GLRA3: variants seen among roughly 807,000 people sequenced by gnomAD.
GLRA3 encodes glycine receptor subunit alpha-3.
A neutral mutation model predicts 60.4 loss-of-function variants in GLRA3; 44 were observed. The ratio of observed to expected loss-of-function variants is 0.73; its 90% CI spans 0.57 to 0.94. The LOEUF is 0.94. GLRA3 is among the 40% of genes least tolerant of loss of function. The probability of loss-of-function intolerance (pLI) is 0.00; values close to 1 mark genes in which losing one functional copy is unlikely to be tolerated. For missense variants in GLRA3, 508 were observed against 564.6 expected (o/e 0.90, Z 1.02); for synonymous variants, 223 against 192.9 (o/e 1.16, Z -1.29).
At chr4:174,734,340 A>G (rs1326615113) in intron 3 of GLRA3, among the ~76,000 whole-genome samples, 2 of 152,164 alleles carry the variant, frequency 1.3e-5, no homozygotes, top group Admixed American at 1.3e-4. Context: ...TTCTAACATC[A>G]TCTCTGTAAT....
chr4:174,693,112 G>C (rs1027350941), intron 5 of GLRA3, among the ~76,000 whole-genome samples: 22 of 152,072 alleles, frequency 1.4e-4, no homozygotes, highest in Admixed American at 1.4e-3. Flanking sequence ...TGGGTTGTCT[G>C]TTTACACTGT....
At chr4:174,760,472 T>C (rs1014834086) in intron 3 of GLRA3, among the ~76,000 whole-genome samples, 23 of 152,178 alleles carry the variant, frequency 1.5e-4, no homozygotes, top group African/African-American at 5.5e-4. Context: ...CCTAGGAATA[T>C]ACCCTGTAGA....
At chr4:174,711,949 A>G (rs1735734497) in intron 5 of GLRA3, among the ~76,000 whole-genome samples, 1 of 152,090 alleles carries the variant, frequency 6.6e-6, no homozygotes, top group Non-Finnish European at 1.5e-5. Context: ...GTTAACATCT[A>G]GTTTGAGAAT....
chr4:174,767,708 T>C (rs1397847087), intron 2 of GLRA3, among the ~76,000 whole-genome samples: 2 of 152,106 alleles, frequency 1.3e-5, no homozygotes, highest in African/African-American at 4.8e-5. Flanking sequence ...GGGACATGTC[T>C]TCAGTGCTCA....
At chr4:174,743,906 C>T (rs1021042108) in intron 3 of GLRA3, among the ~76,000 whole-genome samples, 1 of 151,576 alleles carries the variant, frequency 6.6e-6, no homozygotes, top group African/African-American at 2.4e-5. Flanking sequence ...GAACAGGACC[C>T]CCTCTCTTGA....
intron 9 of GLRA3, 129 bp from the exon 10 acceptor site, chr4:174,644,193 A>G (rs1416280488): frequency 4.7e-6 from 3 of 635,494 alleles, no homozygotes; most frequent in East Asian, 2.6e-5. Flanking sequence ...TAACCGAAGC[A>G]TATAAAGATG....
rs974630685 is a variant in GLRA3 at position 174,641,012 on chromosome 4, TGGTTGGGAAAGAAAGAAAA to T, written c.*2755_*2773del. On this transcript the variant is annotated 3_prime_UTR_variant, in exon 10 of 10. Transcript: ENST00000274093. ...CATTATGGTTTAAGTTCAATTCTAA[TGGTTGGGAAAGAAAGAAAA>T]GGTTGGGCACATATATGCTAATGTA... 1 of 152,040 alleles carries T rather than the reference TGGTTGGGAAAGAAAGAAAA, an allele frequency of 6.6e-6. No homozygotes were observed. Among genetic ancestry groups the T allele is most frequent in the African/African-American group, 2.4e-5 (1 of 41,416 alleles). The allele number at this position is 152,040 out of a possible 1,614,324, so 9.4% of individuals were successfully genotyped here. A position where few individuals can be genotyped will look rare whatever the true frequency, so the allele number is the denominator to read the frequency against.
chr4:174,805,299 C>T (rs1249870366), intron 1 of GLRA3, among the ~76,000 whole-genome samples: 2 of 152,046 alleles, frequency 1.3e-5, no homozygotes, highest in Admixed American at 1.3e-4. Context: ...TTCAATTTCC[C>T]TCCTCTTGAA....
chr4:174,807,688 C>T (rs1740104722), intron 1 of GLRA3, among the ~76,000 whole-genome samples: 1 of 151,964 alleles, frequency 6.6e-6, no homozygotes, highest in South Asian at 2.1e-4. Flanking sequence ...AACAGTGAGA[C>T]CACTTTTAAA....
At chr4:174,736,968 G>T (rs1307052756) in intron 3 of GLRA3, among the ~76,000 whole-genome samples, 1 of 152,114 alleles carries the variant, frequency 6.6e-6, no homozygotes, top group African/African-American at 2.4e-5. Context: ...TGTATATAAA[G>T]TTTCAGGATC....
rs768287563 is a variant in GLRA3 at position 174,637,461 on chromosome 4, TGAA to T, written c.*6322_*6324del. The T allele has an allele frequency of 1.1e-4, 16 of 152,094 alleles. No individual in the cohort carries two copies. Among genetic ancestry groups the T allele is most frequent in the Non-Finnish European group, 1.6e-4 (11 of 68,030 alleles). The allele number at this position is 152,094 out of a possible 1,614,324, so 9.4% of individuals were successfully genotyped here. ...ATTGAATAATTCATAGAGAAAAAAGTGAAGAAGTGCAAAATTATTCAAGCATAT... is the reference window on the plus strand; with the variant it reads ...ATTGAATAATTCATAGAGAAAAAAGTGAAGTGCAAAATTATTCAAGCATAT... On this transcript the variant is annotated 3_prime_UTR_variant, in exon 10 of 10. Transcript: ENST00000274093.
At chr4:174,657,360 T>C (rs897412686) in intron 8 of GLRA3, among the ~76,000 whole-genome samples, 4 of 152,194 alleles carry the variant, frequency 2.6e-5, no homozygotes, top group Admixed American at 2.6e-4. Context: ...GGATGCACAA[T>C]ACTTCTCTTT....
At chr4:174,806,129 T>A (rs1367145198) in intron 1 of GLRA3, among the ~76,000 whole-genome samples, 1 of 152,184 alleles carries the variant, frequency 6.6e-6, no homozygotes, top group Non-Finnish European at 1.5e-5. Context: ...AATCACTTTT[T>A]TAAATCTGGG....
intron 2 of GLRA3, among the ~76,000 whole-genome samples, chr4:174,768,449 C>T (rs559289712): frequency 2.0e-5 from 3 of 152,150 alleles, no homozygotes; most frequent in East Asian, 1.9e-4. Flanking sequence ...TATTAATGCC[C>T]GACTTAGTAT....
chr4:174,783,133 G>T (rs1181558978), intron 2 of GLRA3, among the ~76,000 whole-genome samples: 1 of 152,066 alleles, frequency 6.6e-6, no homozygotes, highest in East Asian at 1.9e-4. Context: ...ATAGATCAAT[G>T]GAACAGAACA....
chr4:174,660,913 C>T (rs973572683), intron 7 of GLRA3, among the ~76,000 whole-genome samples: 5 of 152,074 alleles, frequency 3.3e-5, no homozygotes, highest in South Asian at 2.1e-4. Flanking sequence ...ATTAGAAGCC[C>T]CTAGATGTTA....
rs1475198379 is a variant in GLRA3 at position 174,638,704 on chromosome 4, A to G, written c.*5082T>C. On this transcript the variant is annotated 3_prime_UTR_variant, in exon 10 of 10. Coordinates refer to ENST00000274093, the MANE Select transcript of GLRA3 (RefSeq NM_006529.4). ...TTAAATTGATCCTTATTAAGAGAAT[A>G]AGCTTGTGTAAGTTCACACGAATTC... 6.6e-6 allele frequency: 1 copy of G among 152,224 alleles called. No homozygotes were observed. The highest frequency in any genetic ancestry group is 1.5e-5 in the Non-Finnish European group (1 of 68,046). The allele number at this position is 152,224 out of a possible 1,614,324, so 9.4% of individuals were successfully genotyped here.
intron 1 of GLRA3, among the ~76,000 whole-genome samples, chr4:174,807,466 A>G (rs931646249): frequency 1.3e-5 from 2 of 152,092 alleles, no homozygotes; most frequent in African/African-American, 4.8e-5. Context: ...GAAATAATCT[A>G]TAAAGAGATT....
intron 7 of GLRA3, among the ~76,000 whole-genome samples, chr4:174,673,441 T>C (rs1328008153): frequency 3.9e-5 from 6 of 152,116 alleles, no homozygotes; most frequent in African/African-American, 1.2e-4. Context: ...AAGGAGGATT[T>C]TCCATATCTA....
Sources: allele counts gnomAD v4.1 joint callset (sites outside exome capture counted in the v4.1 genomes callset), GRCh38; gene constraint gnomAD v4.1.1; transcripts MANE v1.5; gene names NCBI Gene and HGNC (gene_info 2026-07-23, HGNC 2026-07-21).